MYO18A: variants seen among roughly 807,000 people sequenced by gnomAD.
MYO18A encodes myosin XVIIIA.
A neutral mutation model predicts 235.8 loss-of-function variants in MYO18A; 78 were observed. That is an observed-to-expected ratio of 0.33 (90% CI 0.28 to 0.40). The LOEUF (loss-of-function observed/expected upper bound fraction) is 0.40, where lower values mean the gene tolerates loss of function less well. Ranked by LOEUF, MYO18A falls within the 10% of genes least tolerant of loss-of-function variation. The pLI is 1.00. For synonymous variants in MYO18A, 977 were observed against 1,077.8 expected (o/e 0.91, Z 1.83); for missense variants, 2,215 against 2,699.3 (o/e 0.82, Z 3.98).
chr17:29,099,783 T>C, intron 21 of MYO18A, 21 bp from the exon 22 acceptor site: 1 of 1,608,254 alleles, frequency 6.2e-7, no homozygotes, highest in Non-Finnish European at 8.5e-7. Context: ...GCAGGCCAGG[T>C]GAAGGCAGGA....
intron 27 of MYO18A, 84 bp from the exon 28 acceptor site, chr17:29,096,999 G>A (rs1354026156): frequency 9.0e-6 from 13 of 1,447,792 alleles, no homozygotes; most frequent in Non-Finnish European, 1.0e-5. Flanking sequence ...GGTGAGTGAG[G>A]GGAAGACCCA....
At chr17:29,128,222 C>A (rs2067373335) in intron 2 of MYO18A, 1 of 1,163,736 alleles carries the variant, frequency 8.6e-7, no homozygotes, top group African/African-American at 1.7e-5. Flanking sequence ...CGGCTTGGGA[C>A]TAGAAGCTGC....
Position 29,122,258 on chromosome 17 carries a change from C to T in MYO18A, c.1000-5G>A. The T allele has an allele frequency of 6.2e-7, 1 of 1,608,902 alleles. No individual in the cohort carries two copies. Among genetic ancestry groups the T allele is most frequent in the Non-Finnish European group, 8.5e-7 (1 of 1,177,676 alleles). ...AATCTGTTCTTCTGTTTTCGCCTGT[C>T]AGAGAGAGAGAAGAATAAACAGGCC... On this transcript the variant is annotated splice_region_variant and splice_polypyrimidine_tract_variant and intron_variant, in intron 2 of 41. Coordinates refer to ENST00000527372, the MANE Select transcript of MYO18A (RefSeq NM_078471.4).
At chr17:29,091,088 C>T (rs4965417) in intron 34 of MYO18A, 162 bp from the exon 35 acceptor site, 365,146 of 609,038 alleles carry the variant, frequency 0.6, 114,007 homozygotes, top group East Asian at 0.89. Context: ...CTGCCTGTCC[C>T]GCTCTGGACC....
At chr17:29,096,719 C>T (rs780087164) in intron 28 of MYO18A, 42 bp downstream of exon 28, 1 of 1,538,628 alleles carries the variant, frequency 6.5e-7, no homozygotes, top group Non-Finnish European at 8.8e-7. Flanking sequence ...TCTGTGGCTG[C>T]TCCAGAAGGT....
chr17:29,179,706 C>G (rs1337059367), intron 1 of MYO18A, among the ~76,000 whole-genome samples: 4 of 152,212 alleles, frequency 2.6e-5, no homozygotes, highest in Admixed American at 2.0e-4. Context: ...CATTCACCCT[C>G]TCATCTTCTG....
intron 25 of MYO18A, 55 bp from the exon 26 acceptor site, chr17:29,097,954 C>T (rs1442060676): frequency 2.3e-5 from 36 of 1,578,596 alleles, no homozygotes; most frequent in South Asian, 1.7e-4. Context: ...ACCCACTCCC[C>T]GAACCACACA....
At chr17:29,168,723 TC>T (rs2068334879) in intron 1 of MYO18A, among the ~76,000 whole-genome samples, 2 of 152,168 alleles carry the variant, frequency 1.3e-5, no homozygotes, top group South Asian at 4.1e-4. Context: ...GCTAATTGCT[TC>T]CCCCTGCCCA....
chr17:29,180,192 G>T lies in MYO18A; in HGVS notation c.-82+121C>A, dbSNP rs2068618279. The T allele has an allele frequency of 6.6e-6, 1 of 151,378 alleles. No individual in the cohort carries two copies. The highest frequency in any genetic ancestry group is 6.6e-5 in the Admixed American group (1 of 15,206). The allele number at this position is 151,378 out of a possible 1,614,324, so 9.4% of individuals were successfully genotyped here. On this transcript the variant is annotated intron_variant, in intron 1 of 41. Transcript: ENST00000527372. This position sits in a 1 kb window ranked among gnomAD's most constrained non-coding sequence, Gnocchi z 6.1. The stretch of plus-strand genomic sequence containing the variant: ...CCGCTGCTTCCAGGGGACGGGGGAG[G>T]AGGAGGAGGAGCCGGCGGGCCCCGC...
chr17:29,093,936 G>C, intron 31 of MYO18A, 44 bp downstream of exon 31: 1 of 1,405,180 alleles, frequency 7.1e-7, no homozygotes, highest in African/African-American at 1.4e-5. Context: ...GCGGTGATGG[G>C]AACAGGTGTT....
intron 26 of MYO18A, 116 bp from the exon 27 acceptor site, chr17:29,097,466 A>G: frequency 7.2e-7 from 1 of 1,384,584 alleles, no homozygotes; most frequent in Non-Finnish European, 9.9e-7. Flanking sequence ...GGGCTCAGAA[A>G]GCTCTCTGCA....
At chr17:29,103,800 T>C (rs1456525557) in intron 20 of MYO18A, 136 bp from the exon 21 acceptor site, 2 of 742,078 alleles carry the variant, frequency 2.7e-6, no homozygotes, top group Non-Finnish European at 4.6e-6. Context: ...GCTTCCTCAG[T>C]GTCAGGCACT....
chr17:29,096,626 G>A, intron 28 of MYO18A, 135 bp downstream of exon 28: 1 of 1,175,890 alleles, frequency 8.5e-7, no homozygotes, highest in East Asian at 2.8e-5. Flanking sequence ...CACGTTCCAA[G>A]ATGAGTGACC....
chr17:29,174,514 A>T (rs1211321413), intron 1 of MYO18A, among the ~76,000 whole-genome samples: 6 of 151,988 alleles, frequency 3.9e-5, no homozygotes, highest in African/African-American at 1.5e-4. Flanking sequence ...AAAAATAAAA[A>T]AAATAAAAAA....
At chr17:29,090,497 ACT>A (rs752834383) in intron 36 of MYO18A, 33 bp downstream of exon 36, 21 of 1,536,670 alleles carry the variant, frequency 1.4e-5, no homozygotes, top group Non-Finnish European at 1.7e-5. Flanking sequence ...TGACCCTGGC[ACT>A]CTCTCTCTCC....
intron 21 of MYO18A, 86 bp from the exon 22 acceptor site, chr17:29,099,848 A>G (rs2066612506): frequency 2.6e-6 from 4 of 1,543,304 alleles, no homozygotes; most frequent in Non-Finnish European, 3.5e-6. Flanking sequence ...TGGAGAAACA[A>G]GCAGGCCAGG....
At chr17:29,096,719 CT>C in intron 28 of MYO18A, 41 bp downstream of exon 28, 1 of 1,538,628 alleles carries the variant, frequency 6.5e-7, no homozygotes, top group Non-Finnish European at 8.8e-7. Flanking sequence ...TCTGTGGCTG[CT>C]CCAGAAGGTT....
At chr17:29,080,489 C>A (rs2152716337) in intron 41 of MYO18A, 1 of 986,022 alleles carries the variant, frequency 1.0e-6, no homozygotes, top group East Asian at 1.1e-4. Context: ...AGGCGAGAAT[C>A]AGGGCTCTCC....
chr17:29,163,000 T>G (rs1402685492), intron 2 of MYO18A, among the ~76,000 whole-genome samples: 2 of 152,212 alleles, frequency 1.3e-5, no homozygotes. Context: ...CCTGGCCCCA[T>G]CTGTGTGCAG....
Sources: allele counts gnomAD v4.1 joint callset (sites outside exome capture counted in the v4.1 genomes callset), GRCh38; gene constraint gnomAD v4.1.1; non-coding constraint Gnocchi (gnomAD v3.1); transcripts MANE v1.5; gene names NCBI Gene and HGNC (gene_info 2026-07-23, HGNC 2026-07-21).